Variants in EBF4 observed in about 807,000 individuals in gnomAD.
EBF4 encodes the protein transcription factor COE4.
EBF4 carries 34 observed loss-of-function variants against 67.1 expected under a neutral mutation model. The observed-to-expected ratio is 0.51, with a 90% confidence interval of 0.39 to 0.67. The LOEUF (loss-of-function observed/expected upper bound fraction) is 0.67. EBF4 is among the 30% of genes least tolerant of loss of function. EBF4 has a pLI of 0.00. For missense variants in EBF4, 837 were observed against 873.3 expected (o/e 0.96, Z 0.52); for synonymous variants, 387 against 377.7 (o/e 1.02, Z -0.29).
chr20:2,746,229 G>A (rs187698562), intron 6 of EBF4, among the ~76,000 whole-genome samples: 1 of 152,146 alleles, frequency 6.6e-6, no homozygotes, highest in Non-Finnish European at 1.5e-5. Context: ...TGCGCCCACT[G>A]TGCAGGTGTA....
rs1394642686 is a variant in EBF4 at position 2,751,185 on chromosome 20, C to G, written c.1019-515C>G. ...CCGGATCTTCTCTACTTCCATCCTC[C>G]CGCCCCAGCCCAAGCCACCCACTTC... is the stretch of plus-strand genomic sequence containing the variant. On this transcript the variant is annotated intron_variant, in intron 10 of 16. Transcript: ENST00000609451. This position sits in a 1 kb window ranked among gnomAD's most constrained non-coding sequence, Gnocchi z 5.2. Among the ~76,000 whole-genome samples, 1 of 152,176 alleles carries G rather than the reference C, an allele frequency of 6.6e-6. No homozygotes were observed. Among genetic ancestry groups the G allele is most frequent in the East Asian group, 1.9e-4 (1 of 5,194 alleles).
At chr20:2,758,928 T>C in exon 16 of EBF4, 1 of 1,551,816 alleles carries the variant, frequency 6.4e-7, no homozygotes, top group Non-Finnish European at 8.7e-7. Context: ...TTGAGGATTC[T>C]GACAAGTTTC....
chr20:2,727,671 C>T (rs745605778), intron 6 of EBF4, among the ~76,000 whole-genome samples: 9 of 152,148 alleles, frequency 5.9e-5, no homozygotes, highest in African/African-American at 1.4e-4. Flanking sequence ...TTTAAAAGGT[C>T]GCACCATTTA....
intron 6 of EBF4, among the ~76,000 whole-genome samples, chr20:2,732,911 C>T (rs1376025879): frequency 2.0e-5 from 3 of 152,018 alleles, no homozygotes; most frequent in Non-Finnish European, 2.9e-5. Context: ...GATAGGAAAA[C>T]AAAATCATTA....
chr20:2,740,307 C>T (rs1050439454), intron 6 of EBF4, among the ~76,000 whole-genome samples: 30 of 148,878 alleles, frequency 2.0e-4, no homozygotes, highest in African/African-American at 6.4e-4. Context: ...AGCGAGACTC[C>T]GTTTCAAAAA....
chr20:2,706,621 G>A (rs560229148), intron 4 of EBF4, among the ~76,000 whole-genome samples: 164 of 152,248 alleles, frequency 1.1e-3, no homozygotes, highest in African/African-American at 3.8e-3. Flanking sequence ...TCTGGAGAAG[G>A]AATGGCACCA....
intron 6 of EBF4, among the ~76,000 whole-genome samples, chr20:2,738,465 T>A (rs954609698): frequency 2.0e-5 from 3 of 152,320 alleles, no homozygotes; most frequent in African/African-American, 7.2e-5. Flanking sequence ...CTCCCCAGGC[T>A]TGAGAGGACT....
chr20:2,706,343 C>T, intron 4 of EBF4, 79 bp downstream of exon 4: 18 of 1,497,108 alleles, frequency 1.2e-5, no homozygotes, highest in Non-Finnish European at 1.5e-5. Flanking sequence ...AGTGAGCCTC[C>T]TTGTTCCTGC....
chr20:2,725,145 T>C (rs763362458), intron 6 of EBF4, among the ~76,000 whole-genome samples: 25 of 152,202 alleles, frequency 1.6e-4, no homozygotes, highest in Non-Finnish European at 3.1e-4. Context: ...ATGTTACATC[T>C]CATTTGCTTT....
At chr20:2,713,992 A>G (rs2087576108) in intron 6 of EBF4, among the ~76,000 whole-genome samples, 1 of 152,224 alleles carries the variant, frequency 6.6e-6, no homozygotes, top group South Asian at 2.1e-4. Context: ...ATAACCAAGA[A>G]TTATGACAGG....
intron 7 of EBF4, 106 bp downstream of exon 7, chr20:2,748,736 C>A: frequency 7.8e-7 from 1 of 1,290,198 alleles, no homozygotes; most frequent in Non-Finnish European, 1.1e-6. Context: ...GAAAGGCCTC[C>A]AAGGCAGATC....
intron 1 of EBF4, among the ~76,000 whole-genome samples, chr20:2,697,097 C>T (rs2087300264): frequency 6.6e-6 from 1 of 152,230 alleles, no homozygotes; most frequent in Admixed American, 6.5e-5. Flanking sequence ...CAGGAATCAG[C>T]TACTGGAGCA....
intron 16 of EBF4, 74 bp from the exon 17 acceptor site, chr20:2,759,194 G>A (rs754452069): frequency 1.7e-4 from 101 of 580,382 alleles, no homozygotes; most frequent in Non-Finnish European, 2.6e-4. Flanking sequence ...ACCAGGTAGA[G>A]AGAAGTGGCT....
chr20:2,744,472 C>CT (rs1314412852), intron 6 of EBF4, among the ~76,000 whole-genome samples: 6 of 135,078 alleles, frequency 4.4e-5, no homozygotes, highest in Non-Finnish European at 7.8e-5. Context: ...TTTTTCTTTT[C>CT]TTTTTTCTTT....
chr20:2,693,610 C>T lies in EBF4; in HGVS notation c.-36C>T, dbSNP rs1353325870. On this transcript the variant is annotated 5_prime_UTR_variant, in exon 1 of 17. Transcript: ENST00000609451. The surrounding 1 kb of genome is among the most constrained non-coding windows in gnomAD (Gnocchi z 4.6). ...CCCGCAGCCTCAGCGGGACCGGATC[C>T]GGGGCGGCGGGGGCGCTCACTCACC... 3 of 1,359,690 alleles carry T rather than the reference C, an allele frequency of 2.2e-6. No individual in the cohort carries two copies. Among genetic ancestry groups the T allele is most frequent in the Non-Finnish European group, 2.8e-6 (3 of 1,060,208 alleles). The allele number at this position is 1,359,690 out of a possible 1,614,324, so 84.2% of individuals were successfully genotyped here.
Position 2,745,025 on chromosome 20 carries a change from G to C in EBF4, c.558-3524G>C, listed in dbSNP as rs915703071. Among the ~76,000 whole-genome samples the C allele has an allele frequency of 1.3e-5, 2 of 152,182 alleles. No individual in the cohort carries two copies. The highest frequency in any genetic ancestry group is 2.9e-5 in the Non-Finnish European group (2 of 68,030). On this transcript the variant is annotated intron_variant, in intron 6 of 16. Transcript: ENST00000609451. This position sits in a 1 kb window ranked among gnomAD's most constrained non-coding sequence, Gnocchi z 5.2. ...CAAGTTCGGACTAGCCACACTGCAA[G>C]GGTTCATGCCGCGTGGGGCTGGTGG...
intron 6 of EBF4, among the ~76,000 whole-genome samples, chr20:2,737,228 T>C (rs1448067711): frequency 8.8e-4 from 114 of 129,364 alleles, no homozygotes; most frequent in Middle Eastern, 4.2e-3. Flanking sequence ...CCAGCTTGGG[T>C]AACAGGAGCG....
intron 6 of EBF4, among the ~76,000 whole-genome samples, chr20:2,713,812 T>C (rs2087573682): frequency 6.6e-6 from 1 of 152,048 alleles, no homozygotes; most frequent in Admixed American, 6.6e-5. Flanking sequence ...GAGACAGGGG[T>C]TGAACTGGAT....
Position 2,709,911 on chromosome 20 carries a change from G to A in EBF4, c.557+269G>A, listed in dbSNP as rs559375441. On this transcript the variant is annotated intron_variant, in intron 6 of 16. Transcript: ENST00000609451. ...GCCAGGGAGGGCAGGGAGGTTGAGA[G>A]GGGGGTGGGAAGGGAGGGGAGGAAC... Among the ~76,000 whole-genome samples, 6 of 152,168 alleles carry A rather than the reference G, an allele frequency of 3.9e-5. No homozygotes were observed. In the South Asian group the frequency reaches 8.3e-4, roughly 21 times the overall value.
Sources: gnomAD v4.1 joint callset for allele counts (sites outside exome capture counted in the v4.1 genomes callset) on GRCh38, gnomAD v4.1.1 for gene constraint, Gnocchi (gnomAD v3.1) non-coding constraint, MANE v1.5 for transcripts, NCBI Gene and HGNC (gene_info 2026-07-23, HGNC 2026-07-21) for gene names.